MAP4K4: variants seen among roughly 807,000 people sequenced by gnomAD.
The protein encoded by MAP4K4 is mitogen-activated protein kinase kinase kinase kinase 4.
A neutral mutation model predicts 189.6 loss-of-function variants in MAP4K4; 38 were observed. The ratio of observed to expected loss-of-function variants is 0.20; its 90% CI spans 0.15 to 0.26. The LOEUF is 0.26. Ranked by LOEUF, MAP4K4 falls within the 10% of genes least tolerant of loss-of-function variation. The pLI, the probability that MAP4K4 is intolerant of heterozygous loss-of-function variation, is 1.00. For missense variants in MAP4K4, 1,054 were observed against 1,726.9 expected, an observed-to-expected ratio of 0.61 and a Z score of 6.91; for synonymous variants, 610 against 624.3, an observed-to-expected ratio of 0.98 and a Z score of 0.34.
rs929852303 is a variant in MAP4K4 at position 101,747,840 on chromosome 2, T to G, written c.124-42880T>G. Among the ~76,000 whole-genome samples, 42 of 152,328 alleles carry G rather than the reference T, an allele frequency of 2.8e-4. 1 individual carries two copies. The highest frequency in any genetic ancestry group is 4.6e-4 in the Non-Finnish European group (31 of 68,032). On this transcript the variant is annotated intron_variant, in intron 2 of 32. Coordinates refer to ENST00000324219, the Ensembl canonical transcript of MAP4K4. ...GGCTTGGTTAATCTTTACAGCAGCCTTTGAAAATGAATGGAAATACTAAGG... is the reference window on the plus strand; with the variant it reads ...GGCTTGGTTAATCTTTACAGCAGCCGTTGAAAATGAATGGAAATACTAAGG...
At chr2:101,720,094 A>G (rs931269417) in intron 2 of MAP4K4, among the ~76,000 whole-genome samples, 9 of 152,100 alleles carry the variant, frequency 5.9e-5, no homozygotes, top group Admixed American at 3.9e-4. Flanking sequence ...GAAAGAAACA[A>G]GGAAAAAAAA....
intron 2 of MAP4K4, among the ~76,000 whole-genome samples, chr2:101,749,277 A>C (rs2067289394): frequency 6.6e-6 from 1 of 151,392 alleles, no homozygotes; most frequent in African/African-American, 2.4e-5. Context: ...AGGCTACAGT[A>C]ACCAAAACAG....
intron 2 of MAP4K4, among the ~76,000 whole-genome samples, chr2:101,714,878 TA>T (rs1004365305): frequency 1.3e-5 from 2 of 152,178 alleles, no homozygotes; most frequent in Non-Finnish European, 2.9e-5. Context: ...TTCTCATAGT[TA>T]AAAAAACCAG....
At chr2:101,856,736 A>G (rs530104766) in intron 13 of MAP4K4, among the ~76,000 whole-genome samples, 16 of 152,348 alleles carry the variant, frequency 1.1e-4, no homozygotes, top group African/African-American at 3.4e-4. Flanking sequence ...CCACCTGTAC[A>G]AATACAATTT....
In MAP4K4 at chr2:101,723,161, C is replaced by A. The variant is rs1382503804; in HGVS notation, c.123+24623C>A. ...ACGAGAACAGCATGTGGGAAACACC[C>A]TCATGATTCAGTTACCTCTACCTGG... On this transcript the variant is annotated intron_variant, in intron 2 of 32. Coordinates refer to ENST00000324219, the Ensembl canonical transcript of MAP4K4. Among the ~76,000 whole-genome samples the A allele has an allele frequency of 2.6e-5, 4 of 152,186 alleles. No homozygotes were observed. The East Asian group carries it at 5.8e-4, about 22-fold the overall frequency.
intron 27 of MAP4K4, among the ~76,000 whole-genome samples, chr2:101,877,367 A>G (rs2098233934): frequency 6.6e-6 from 1 of 152,104 alleles, no homozygotes; most frequent in African/African-American, 2.4e-5. Flanking sequence ...AAGCGTATGA[A>G]TGTGCTCTTT....
intron 3 of MAP4K4, among the ~76,000 whole-genome samples, chr2:101,808,544 A>ACCCCCCCCC (rs748352629): frequency 7.5e-6 from 1 of 132,810 alleles, no homozygotes; most frequent in African/African-American, 2.9e-5. Flanking sequence ...CACCACCCTC[A>ACCCCCCCCC]CCCCCCCCCA....
intron 5 of MAP4K4, 40 bp from the exon 6 acceptor site, chr2:101,829,464 T>C (rs1304585608): frequency 7.2e-7 from 1 of 1,396,752 alleles, no homozygotes; most frequent in Non-Finnish European, 1.0e-6. Flanking sequence ...TTACTTATAG[T>C]CACAGAAAAC....
intron 2 of MAP4K4, among the ~76,000 whole-genome samples, chr2:101,756,098 G>A (rs1334110688): frequency 2.0e-5 from 3 of 151,766 alleles, no homozygotes; most frequent in East Asian, 1.9e-4. Flanking sequence ...CCGCCACCAC[G>A]TCTGGCTAAT....
chr2:101,733,159 G>A (rs995152017), intron 2 of MAP4K4, among the ~76,000 whole-genome samples: 2 of 152,196 alleles, frequency 1.3e-5, no homozygotes, highest in African/African-American at 4.8e-5. Flanking sequence ...CCCTGGCCTG[G>A]GGTCTCTGTC....
chr2:101,840,621 C>T (rs950063413), intron 10 of MAP4K4, among the ~76,000 whole-genome samples: 7 of 152,212 alleles, frequency 4.6e-5, no homozygotes, highest in Admixed American at 2.0e-4. Context: ...GTTCAAACAT[C>T]GTCACCGTCT....
At chr2:101,828,572 C>T (rs2096466290) in intron 5 of MAP4K4, among the ~76,000 whole-genome samples, 1 of 152,154 alleles carries the variant, frequency 6.6e-6, no homozygotes, top group African/African-American at 2.4e-5. Context: ...AATTAGTATT[C>T]TAGAGGAGCT....
At chr2:101,868,122 C>T in intron 21 of MAP4K4, 85 bp downstream of exon 21, 1 of 1,438,960 alleles carries the variant, frequency 6.9e-7, no homozygotes, top group South Asian at 1.2e-5. Context: ...TGCGGTCCTG[C>T]TCCTTCCTCA....
chr2:101,828,817 A>G (rs1270571248), intron 5 of MAP4K4, among the ~76,000 whole-genome samples: 4 of 152,210 alleles, frequency 2.6e-5, no homozygotes, highest in African/African-American at 9.6e-5. Flanking sequence ...CTCTTGGACC[A>G]TATTTGGAGG....
intron 2 of MAP4K4, among the ~76,000 whole-genome samples, chr2:101,721,933 T>C (rs891917623): frequency 6.6e-6 from 1 of 152,220 alleles, no homozygotes; most frequent in African/African-American, 2.4e-5. Flanking sequence ...AAGCCCATCT[T>C]CAGCTGATAG....
intron 2 of MAP4K4, among the ~76,000 whole-genome samples, chr2:101,755,066 G>A (rs2071572794): frequency 6.6e-6 from 1 of 152,014 alleles, no homozygotes; most frequent in African/African-American, 2.4e-5. Flanking sequence ...TATTAGCTAG[G>A]AAAAGTTATA....
chr2:101,701,561 C>G (rs2149144741), intron 2 of MAP4K4, among the ~76,000 whole-genome samples: 1 of 152,236 alleles, frequency 6.6e-6, no homozygotes, highest in Non-Finnish European at 1.5e-5. Flanking sequence ...GGGATAACTT[C>G]TAATTTTCTG....
At position 101,805,001 on chromosome 2, in the gene MAP4K4, G is replaced by T. The variant is rs2094777627; in HGVS notation, c.180+14225G>T. On this transcript the variant is annotated intron_variant, in intron 3 of 32. Coordinates refer to ENST00000324219, the Ensembl canonical transcript of MAP4K4. ...AGGCAGGAGAATCGCTCGAACCCAGGAGGCGGAGGTTGCAGTGAGCTGAGA... is the reference window on the plus strand; with the variant it reads ...AGGCAGGAGAATCGCTCGAACCCAGTAGGCGGAGGTTGCAGTGAGCTGAGA... Among the ~76,000 whole-genome samples, 3 of 150,404 alleles carry T rather than the reference G, an allele frequency of 2.0e-5. No homozygotes were observed. The South Asian group carries it at 6.3e-4, about 32-fold the overall frequency.
intron 2 of MAP4K4, among the ~76,000 whole-genome samples, chr2:101,727,917 C>T (rs1057321469): frequency 4.6e-5 from 7 of 152,020 alleles, no homozygotes; most frequent in Admixed American, 3.3e-4. Flanking sequence ...TGCAGTGAGC[C>T]GAGATCACGC....
Sources: gnomAD v4.1 joint callset for allele counts (sites outside exome capture counted in the v4.1 genomes callset) on GRCh38, gnomAD v4.1.1 for gene constraint, MANE v1.5 for transcripts, NCBI Gene and HGNC (gene_info 2026-07-23, HGNC 2026-07-21) for gene names.